The following RPH3A variants were observed in gnomAD, a reference collection of about 807,000 sequenced individuals.
RPH3A encodes the protein rabphilin-3A.
Under a neutral mutation model 102.2 loss-of-function variants are expected in RPH3A, and 48 were observed. The ratio of observed to expected loss-of-function variants is 0.47; its 90% CI spans 0.37 to 0.60. The LOEUF is 0.60. RPH3A is among the 20% of genes least tolerant of loss of function. RPH3A has a pLI of 0.00. For missense variants in RPH3A, 781 were observed against 910.1 expected (o/e 0.86, Z 1.83); for synonymous variants, 310 against 324.3 (o/e 0.96, Z 0.47).
intron 1 of RPH3A, among the ~76,000 whole-genome samples, chr12:112,634,173 C>T (rs2039828566): frequency 6.7e-6 from 1 of 149,992 alleles, no homozygotes; most frequent in Non-Finnish European, 1.5e-5. Flanking sequence ...ATGGTGAAAC[C>T]CCATCTCTAC....
chr12:112,841,692 T>C (rs1038990136), intron 4 of RPH3A, among the ~76,000 whole-genome samples: 9 of 123,726 alleles, frequency 7.3e-5, no homozygotes, highest in African/African-American at 3.0e-4. Flanking sequence ...AGCTTGAGTT[T>C]TTTTTGTTTT....
At chr12:112,608,241 G>A (rs925671085) in intron 1 of RPH3A, among the ~76,000 whole-genome samples, 4 of 151,438 alleles carry the variant, frequency 2.6e-5, no homozygotes, top group East Asian at 1.9e-4. Flanking sequence ...TCAGCCTCCC[G>A]AGTAGCTGGG....
At chr12:112,680,949 T>A (rs1200096845) in intron 1 of RPH3A, among the ~76,000 whole-genome samples, 1 of 151,920 alleles carries the variant, frequency 6.6e-6, no homozygotes, top group African/African-American at 2.4e-5. Context: ...TCTTCTCCAA[T>A]CCCCTCTTCC....
At chr12:112,794,698 C>T (rs2041195682) in intron 2 of RPH3A, among the ~76,000 whole-genome samples, 1 of 152,158 alleles carries the variant, frequency 6.6e-6, no homozygotes, top group African/African-American at 2.4e-5. Context: ...AGTTCAGGAC[C>T]TCTGATTTAG....
chr12:112,739,484 G>T (rs923332567), intron 1 of RPH3A, among the ~76,000 whole-genome samples: 1 of 152,170 alleles, frequency 6.6e-6, no homozygotes, highest in Non-Finnish European at 1.5e-5. Flanking sequence ...CCTTAACAGG[G>T]AACAATGCCC....
At chr12:112,649,474 C>T (rs751116397) in intron 1 of RPH3A, 11 of 152,190 alleles carry the variant, frequency 7.2e-5, no homozygotes, top group Admixed American at 2.6e-4. Flanking sequence ...GTAAGTCCCA[C>T]CGTCTCTTTG....
At position 112,837,116 on chromosome 12, in the gene RPH3A, T is replaced by G. The variant is rs186750106; in HGVS notation, c.83+614T>G. ...ACTGCAAAGCAGCCCCATCTTCAGT[T>G]GCGTGCACACATTCAGAAACTATGG... On this transcript the variant is annotated intron_variant, in intron 4 of 21. Coordinates refer to ENST00000389385, the MANE Select transcript of RPH3A (RefSeq NM_001143854.2). 1.2e-3 allele frequency among the ~76,000 whole-genome samples: 179 copies of G among 152,326 alleles called. 1 individual carries two copies. The highest frequency in any genetic ancestry group is 1.9e-4 in the Non-Finnish European group (13 of 68,022).
chr12:112,764,219 T>G (rs2040872949), intron 1 of RPH3A, among the ~76,000 whole-genome samples: 1 of 152,170 alleles, frequency 6.6e-6, no homozygotes. Context: ...ACCCAGCCCC[T>G]CAATGAGGTA....
rs925734933 is a variant in RPH3A at position 112,581,429 on chromosome 12, G to A, written c.-140+6110G>A. Among the ~76,000 whole-genome samples the A allele has an allele frequency of 2.6e-5, 4 of 152,266 alleles. 1 individual carries two copies. On this transcript the variant is annotated intron_variant, in intron 1 of 21. Transcript: ENST00000543106. ...TCCCTCCCATGACATGGGAATTATG[G>A]GAGCCATAATTTAAGATTTGGGTGG... is the stretch of plus-strand genomic sequence containing the variant.
intron 1 of RPH3A, among the ~76,000 whole-genome samples, chr12:112,601,758 C>A (rs937691452): frequency 1.3e-5 from 2 of 151,970 alleles, no homozygotes; most frequent in African/African-American, 4.8e-5. Flanking sequence ...ATGGCAAAAC[C>A]ACGTCTCTAT....
chr12:112,751,732 A>G (rs905877929), intron 1 of RPH3A, among the ~76,000 whole-genome samples: 1 of 152,204 alleles, frequency 6.6e-6, no homozygotes, highest in African/African-American at 2.4e-5. Flanking sequence ...CCTAGGCAAC[A>G]TAGGAAGACC....
At chr12:112,787,439 T>G (rs1351012647), upstream of RPH3A, among the ~76,000 whole-genome samples, 1 of 152,208 alleles carries the variant, frequency 6.6e-6, no homozygotes, top group Non-Finnish European at 1.5e-5. Context: ...GCAAGTCACT[T>G]GAGCTCTCCA....
In RPH3A at chr12:112,651,185, C is replaced by T. The variant is rs111442800; in HGVS notation, c.-140+75866C>T. Among the ~76,000 whole-genome samples, 1,006 of 151,968 alleles carry T rather than the reference C, an allele frequency of 6.6e-3. 17 individuals carry two copies. Among genetic ancestry groups the T allele is most frequent in the African/African-American group, 0.023 (953 of 41,456 alleles). ...GACCAGCCTGGGCAACATGGCGAAA[C>T]CCCGTTCCTAAAAAAAACAAAACAA... On this transcript the variant is annotated intron_variant, in intron 1 of 21. Transcript: ENST00000543106.
At chr12:112,637,250 A>C (rs773805097) in intron 1 of RPH3A, among the ~76,000 whole-genome samples, 7 of 152,144 alleles carry the variant, frequency 4.6e-5, no homozygotes, top group Non-Finnish European at 1.0e-4. Context: ...AATCCTCCCC[A>C]ATGTGCTTCT....
chr12:112,684,696 G>A (rs557123468), intron 1 of RPH3A, among the ~76,000 whole-genome samples: 1 of 152,092 alleles, frequency 6.6e-6, no homozygotes, highest in African/African-American at 2.4e-5. Flanking sequence ...TCTTAAATTG[G>A]TTAGTTATTT....
intron 2 of RPH3A, among the ~76,000 whole-genome samples, chr12:112,803,748 A>G (rs2041401247): frequency 6.6e-6 from 1 of 152,192 alleles, no homozygotes; most frequent in South Asian, 2.1e-4. Flanking sequence ...TCATTCCAAT[A>G]AAGGATTGGA....
chr12:112,876,952 C>A, intron 13 of RPH3A, 86 bp downstream of exon 13: 1 of 950,722 alleles, frequency 1.1e-6, no homozygotes, highest in Non-Finnish European at 1.5e-6. Flanking sequence ...AGGAACAGCC[C>A]TGTCTATCCC....
chr12:112,791,278 A>C (rs374487103), upstream of RPH3A: 10 of 152,356 alleles, frequency 6.6e-5, no homozygotes, highest in African/African-American at 2.4e-4. Context: ...ACCGGTGCCA[A>C]GCTCTTGTCT....
chr12:112,591,244 C>A (rs372058880), intron 1 of RPH3A, among the ~76,000 whole-genome samples: 9 of 151,752 alleles, frequency 5.9e-5, no homozygotes, highest in Non-Finnish European at 1.3e-4. Flanking sequence ...TGCCACCACA[C>A]CCAGATAATT....
Sources: gnomAD v4.1 joint callset for allele counts (sites outside exome capture counted in the v4.1 genomes callset) on GRCh38, gnomAD v4.1.1 for gene constraint, MANE v1.5 for transcripts, NCBI Gene and HGNC (gene_info 2026-07-23, HGNC 2026-07-21) for gene names.